The following KCNMB4 variants were observed in gnomAD, a reference collection of about 807,000 sequenced individuals.
KCNMB4 encodes the protein calcium-activated potassium channel subunit beta-4.
Under a neutral mutation model 20.7 loss-of-function variants are expected in KCNMB4, and 3 were observed. The ratio of observed to expected loss-of-function variants is 0.14; its 90% CI spans 0.07 to 0.37. The LOEUF (loss-of-function observed/expected upper bound fraction) is 0.37, where lower values mean the gene tolerates loss of function less well. KCNMB4 is among the 10% of genes least tolerant of loss of function. The probability of loss-of-function intolerance (pLI) is 1.00; values close to 1 mark genes in which losing one functional copy is unlikely to be tolerated. For synonymous variants in KCNMB4, 110 were observed against 113.4 expected (o/e 0.97, Z 0.19); for missense variants, 168 against 265.9 (o/e 0.63, Z 2.56).
At chr12:70,395,019 C>T (rs1463813678) in intron 1 of KCNMB4, among the ~76,000 whole-genome samples, 1 of 151,902 alleles carries the variant, frequency 6.6e-6, no homozygotes, top group Non-Finnish European at 1.5e-5. Context: ...ACAGTGTTTT[C>T]TGATTATATG....
rs753363038 is a variant in KCNMB4 at position 70,430,619 on chromosome 12, A to G, written c.599A>G (p.Lys200Arg). ...LTICAKSLAV[K>R]AEAMKKRKFS is the part of the protein sequence containing the mutation. The stretch of plus-strand genomic sequence containing the variant: ...ATCTGTGCCAAGAGCTTGGCGGTCA[A>G]GGCGGAAGCCATGAAGAAGCGCAAG... The change falls in exon 3 of 3, where the codon AAG (lysine) becomes AGG (arginine). Residue 200 changes from lysine (K) to arginine (R), a missense_variant. Transcript: ENST00000258111. The G allele has an allele frequency of 6.2e-7, 1 of 1,610,572 alleles. No homozygotes were observed. Among genetic ancestry groups the G allele is most frequent in the Non-Finnish European group, 8.5e-7 (1 of 1,179,202 alleles).
rs756951139 is a variant in KCNMB4, at chr12:70,366,821, C to G, written c.87C>G (p.Val29=). The G allele has an allele frequency of 1.4e-5, 22 of 1,612,914 alleles. No homozygotes were observed. Among genetic ancestry groups the G allele is most frequent in the Non-Finnish European group, 1.7e-5 (20 of 1,179,946 alleles). ...GCTTGTTTCTCATCATCTCCGGCGTCGTGTCGCTCTTCATCTTCGGCTTCT... is the reference window on the plus strand; with the variant it reads ...GCTTGTTTCTCATCATCTCCGGCGTGGTGTCGCTCTTCATCTTCGGCTTCT... ...RLGLFLIISG[V]VSLFIFGFCW... The change falls in exon 1 of 3, where the codon GTC becomes GTG. Residue 29 remains valine (V), a synonymous_variant. Transcript: ENST00000258111.
At chr12:70,368,701 C>T (rs1447520204) in intron 1 of KCNMB4, among the ~76,000 whole-genome samples, 1 of 151,726 alleles carries the variant, frequency 6.6e-6, no homozygotes, top group Non-Finnish European at 1.5e-5. Flanking sequence ...GTTGGTGAAA[C>T]GTTGCTAATT....
At chr12:70,403,864 A>G (rs1303363460) in intron 2 of KCNMB4, among the ~76,000 whole-genome samples, 4 of 152,226 alleles carry the variant, frequency 2.6e-5, no homozygotes, top group Non-Finnish European at 2.9e-5. Flanking sequence ...TTGTTTATGT[A>G]TCTCTAATAT....
In KCNMB4 at chr12:70,366,661, C is replaced by G; in HGVS notation, c.-74C>G. The G allele has an allele frequency of 8.2e-7, 1 of 1,212,782 alleles. No homozygotes were observed. Among genetic ancestry groups the G allele is most frequent in the Non-Finnish European group, 1.1e-6 (1 of 952,334 alleles). The allele number at this position is 1,212,782 out of a possible 1,614,324, so 75.1% of individuals were successfully genotyped here. On this transcript the variant is annotated 5_prime_UTR_variant, in exon 1 of 3. Coordinates refer to ENST00000258111, the MANE Select transcript of KCNMB4 (RefSeq NM_014505.6). ...CGGTGGCGGCGGCGGCTCCTCCCGC[C>G]CGAGGCAGTCGGGCTCGGCGCCGGG...
Position 70,367,036 on chromosome 12 carries a change from A to C in KCNMB4, c.302A>C (p.His101Pro). Residue 101 changes from histidine to proline, a missense_variant, in exon 1 of 3, where the codon CAC becomes CCC. Coordinates refer to ENST00000258111, the MANE Select transcript of KCNMB4 (RefSeq NM_014505.6). The stretch of plus-strand genomic sequence containing the variant: ...GAGTCCAACTCTAGGGCGCTGCTGC[A>C]CAGCGACGAGCACCAGCTCCTGACC... ...NSESNSRALL[H>P]SDEHQLLTNP... 1.3e-6 allele frequency: 2 copies of C among 1,562,380 alleles called. No individual in the cohort carries two copies. Among genetic ancestry groups the C allele is most frequent in the Non-Finnish European group, 1.7e-6 (2 of 1,148,048 alleles).
At chr12:70,375,126 G>A (rs1883662640) in intron 1 of KCNMB4, among the ~76,000 whole-genome samples, 1 of 151,992 alleles carries the variant, frequency 6.6e-6, no homozygotes, top group Admixed American at 6.6e-5. Flanking sequence ...CTTTTATTCT[G>A]GAGTTTTTTG....
rs1231515182 is a variant in KCNMB4 at position 70,432,085 on chromosome 12, A to T, written c.*1432A>T. ...TCACTCTGTTGCCAGGCTGGAGTGC[A>T]GTGGCACGATCTCGGCTCACTACAG... On this transcript the variant is annotated 3_prime_UTR_variant, in exon 3 of 3. Transcript: ENST00000258111. 4.2e-5 allele frequency: 6 copies of T among 142,868 alleles called. No individual in the cohort carries two copies. Among genetic ancestry groups the T allele is most frequent in the African/African-American group, 1.6e-4 (6 of 37,950 alleles). 8.9% of individuals were successfully genotyped at this position (142,868 alleles called of 1,614,324 possible). A position where few individuals can be genotyped will look rare whatever the true frequency, so the allele number is the denominator to read the frequency against.
chr12:70,381,746 A>G (rs1426396572), intron 1 of KCNMB4, among the ~76,000 whole-genome samples: 1 of 152,214 alleles, frequency 6.6e-6, no homozygotes, highest in Middle Eastern at 3.2e-3. Context: ...AATGACAGCT[A>G]AAGGGTACAG....
rs1403590150 is a variant in KCNMB4, at chr12:70,432,901, G to GA, written c.*2254dup. On this transcript the variant is annotated 3_prime_UTR_variant, in exon 3 of 3. Transcript: ENST00000258111. ...TAGTGCATGGATATACATTTGTGTT[G>GA]AAAAAAGGGGAAGTTGATATATATC... The GA allele has an allele frequency of 6.6e-6, 1 of 152,022 alleles. No homozygotes were observed. The highest frequency in any genetic ancestry group is 1.5e-5 in the Non-Finnish European group (1 of 67,948). 9.4% of individuals were successfully genotyped at this position (152,022 alleles called of 1,614,324 possible).
chr12:70,405,204 A>G (rs1047855887), intron 2 of KCNMB4, among the ~76,000 whole-genome samples: 2 of 152,246 alleles, frequency 1.3e-5, no homozygotes, highest in African/African-American at 2.4e-5. Context: ...AAGGCAACCT[A>G]CAGAATAGGA....
intron 2 of KCNMB4, among the ~76,000 whole-genome samples, chr12:70,417,964 G>A (rs1217405670): frequency 6.6e-6 from 1 of 152,150 alleles, no homozygotes; most frequent in Non-Finnish European, 1.5e-5. Context: ...GCTAGCCCGT[G>A]TTGCTATGCC....
chr12:70,383,478 A>G (rs1182068666), intron 1 of KCNMB4, among the ~76,000 whole-genome samples: 3 of 152,214 alleles, frequency 2.0e-5, no homozygotes, highest in African/African-American at 7.2e-5. Context: ...CCTGAAAAAT[A>G]CATGTCTTAG....
chr12:70,398,989 A>G (rs1175482290), intron 1 of KCNMB4, among the ~76,000 whole-genome samples: 1 of 152,218 alleles, frequency 6.6e-6, no homozygotes, highest in Admixed American at 6.5e-5. Flanking sequence ...AGATTTAGGA[A>G]CAAAGGGCAT....
At chr12:70,426,942 AGT>A (rs979122466) in intron 2 of KCNMB4, among the ~76,000 whole-genome samples, 8 of 152,184 alleles carry the variant, frequency 5.3e-5, no homozygotes, top group African/African-American at 1.9e-4. Context: ...AGGGCTTAAA[AGT>A]GTTTTTCATT....
intron 1 of KCNMB4, among the ~76,000 whole-genome samples, chr12:70,376,748 T>C (rs1883694247): frequency 6.6e-6 from 1 of 151,092 alleles, no homozygotes; most frequent in Non-Finnish European, 1.5e-5. Flanking sequence ...GGCACGTGCC[T>C]GTAGTCCCAG....
At chr12:70,385,356 T>C (rs1309727595) in intron 1 of KCNMB4, among the ~76,000 whole-genome samples, 1 of 152,196 alleles carries the variant, frequency 6.6e-6, no homozygotes, top group Non-Finnish European at 1.5e-5. Context: ...AGCATCTACC[T>C]CCTCAATCTG....
chr12:70,409,240 C>T (rs1245468092), intron 2 of KCNMB4, among the ~76,000 whole-genome samples: 1 of 152,222 alleles, frequency 6.6e-6, no homozygotes, highest in African/African-American at 2.4e-5. Flanking sequence ...CCTGTGCAGT[C>T]TCTTGAATTC....
At chr12:70,405,024 A>G (rs710648) in intron 2 of KCNMB4, among the ~76,000 whole-genome samples, 92,125 of 151,974 alleles carry the variant, frequency 0.61, 28,295 homozygotes, top group East Asian at 0.77. Context: ...CAGAGGGTGA[A>G]AGGAAAATCA....
Sources: gnomAD v4.1 joint callset for allele counts (sites outside exome capture counted in the v4.1 genomes callset) on GRCh38, gnomAD v4.1.1 for gene constraint, MANE v1.5 for transcripts, NCBI Gene and HGNC (gene_info 2026-07-23, HGNC 2026-07-21) for gene names.